The following PPBP variants were observed in gnomAD, a reference collection of about 807,000 sequenced individuals.
The protein encoded by PPBP is platelet basic protein.
PPBP carries 8 observed loss-of-function variants against 8.3 expected under a neutral mutation model. The ratio of observed to expected loss-of-function variants is 0.97; its 90% CI spans 0.57 to 1.75. PPBP has a LOEUF of 1.75. Ranked by LOEUF, PPBP falls within the 40% of genes most tolerant of loss-of-function variation. PPBP has a pLI of 0.00. For missense variants in PPBP, 169 were observed against 149.2 expected, an observed-to-expected ratio of 1.13 and a Z score of -0.69; for synonymous variants, 64 against 58.9, an observed-to-expected ratio of 1.09 and a Z score of -0.40.
intron 1 of PPBP, 73 bp downstream of exon 1, chr4:73,987,883 C>A (rs1050943714): frequency 1.3e-6 from 2 of 1,598,846 alleles, no homozygotes; most frequent in African/African-American, 2.7e-5. Context: ...GCCCCAAAGG[C>A]ACCAAGCTAG....
In PPBP at chr4:73,988,138, C is replaced by G; in HGVS notation, c.-35G>C. 7 of 1,610,808 alleles carry G rather than the reference C, an allele frequency of 4.3e-6. No homozygotes were observed. The highest frequency in any genetic ancestry group is 5.9e-6 in the Non-Finnish European group (7 of 1,177,184). On this transcript the variant is annotated 5_prime_UTR_variant, in exon 1 of 3. Transcript: ENST00000296028. ...GGCTGAGCTAGAGTTGTTTCCAGAACCAGAAGACCTCTGAGTGAGGGTGAG... is the reference window on the plus strand; with the variant it reads ...GGCTGAGCTAGAGTTGTTTCCAGAAGCAGAAGACCTCTGAGTGAGGGTGAG...
chr4:73,987,450 G>T (rs572588015), intron 2 of PPBP, 67 bp downstream of exon 2: 2 of 1,607,070 alleles, frequency 1.2e-6, no homozygotes, highest in Non-Finnish European at 1.7e-6. Context: ...TGGAGGAAAC[G>T]AGTGCATATG....
At chr4:73,987,452 G>C (rs1020240387) in intron 2 of PPBP, 65 bp downstream of exon 2, 1 of 1,607,790 alleles carries the variant, frequency 6.2e-7, no homozygotes, top group Admixed American at 1.7e-5. Context: ...GAGGAAACGA[G>C]TGCATATGTG....
rs1032851709 is a variant in PPBP at position 73,987,087 on chromosome 4, C to A, written c.*185G>T. On this transcript the variant is annotated 3_prime_UTR_variant, in exon 3 of 3. Coordinates refer to ENST00000296028, the MANE Select transcript of PPBP (RefSeq NM_002704.3). The stretch of plus-strand genomic sequence containing the variant: ...AACCAGGCTTATTTATTTTCATCTT[C>A]TTTCTGCCATCTTTTAACCAACCTT... The A allele has an allele frequency of 1.3e-5, 8 of 613,580 alleles. No individual in the cohort carries two copies. Among genetic ancestry groups the A allele is most frequent in the Non-Finnish European group, 2.3e-5 (8 of 354,368 alleles). The allele number at this position is 613,580 out of a possible 1,614,324, so 38.0% of individuals were successfully genotyped here. A position where few individuals can be genotyped will look rare whatever the true frequency, so the allele number is the denominator to read the frequency against.
rs772035654 is a variant in PPBP at position 73,987,703 on chromosome 4, C to G, written c.149-51G>C. 1.7e-5 allele frequency: 27 copies of G among 1,586,096 alleles called. No homozygotes were observed. In the Admixed American group the frequency reaches 2.9e-4, roughly 17 times the overall value. On this transcript the variant is annotated intron_variant, in intron 1 of 2. Transcript: ENST00000296028. ...GTGGTCATGAATATTTTCCTCAGGT[C>G]TCTTATTTGCAGATTGAGGGCAATT...
Position 73,987,736 on chromosome 4 carries a change from T to C in PPBP, c.149-84A>G, listed in dbSNP as rs1229197527. On this transcript the variant is annotated intron_variant, in intron 1 of 2. Coordinates refer to ENST00000296028, the MANE Select transcript of PPBP (RefSeq NM_002704.3). Reference sequence around the variant, plus strand: ...TGCAGATTGAGGGCAATTGTACCTCTCTCATAAAGCCATTGTGAATATGAT... The same window carrying C: ...TGCAGATTGAGGGCAATTGTACCTCCCTCATAAAGCCATTGTGAATATGAT... The C allele has an allele frequency of 2.0e-6, 3 of 1,516,852 alleles. No homozygotes were observed. The African/African-American group carries it at 4.1e-5, about 21-fold the overall frequency. The allele number at this position is 1,516,852 out of a possible 1,614,324, so 94.0% of individuals were successfully genotyped here.
In PPBP at chr4:73,986,957, A is replaced by T. The variant is rs1718983368; in HGVS notation, c.*315T>A. The T allele has an allele frequency of 3.1e-6, 1 of 320,730 alleles. No homozygotes were observed. Among genetic ancestry groups the T allele is most frequent in the Admixed American group, 4.9e-5 (1 of 20,452 alleles). 19.9% of individuals were successfully genotyped at this position (320,730 alleles called of 1,614,324 possible). ...ATACCCATGAGTATGTCTAATAACC[A>T]TAAAGTAGACCAGGAAAAATCAACC... On this transcript the variant is annotated 3_prime_UTR_variant, in exon 3 of 3. Transcript: ENST00000296028.
Position 73,987,105 on chromosome 4 carries a change from C to G in PPBP, c.*167G>C. 2 of 658,596 alleles carry G rather than the reference C, an allele frequency of 3.0e-6. No individual in the cohort carries two copies. The highest frequency in any genetic ancestry group is 5.1e-6 in the Non-Finnish European group (2 of 388,856). 40.8% of individuals were successfully genotyped at this position (658,596 alleles called of 1,614,324 possible). On this transcript the variant is annotated 3_prime_UTR_variant, in exon 3 of 3. Transcript: ENST00000296028. ...TCATCTTCTTTCTGCCATCTTTTAA[C>G]CAACCTTCTCAGAATAAAATGTGAT...
chr4:73,987,824 C>A, intron 1 of PPBP, 132 bp downstream of exon 1: 1 of 1,465,454 alleles, frequency 6.8e-7, no homozygotes, highest in African/African-American at 1.4e-5. Flanking sequence ...GAAGTGACCC[C>A]CCTGTGTGTC....
At position 73,986,713 on chromosome 4, in the gene PPBP, A is replaced by G. The variant is rs1408719511; in HGVS notation, c.*559T>C. Among the ~76,000 whole-genome samples the G allele has an allele frequency of 6.6e-6, 1 of 152,210 alleles. No individual in the cohort carries two copies. The highest frequency in any genetic ancestry group is 1.9e-4 in the East Asian group (1 of 5,200). On this transcript the variant is annotated 3_prime_UTR_variant, in exon 3 of 3. Transcript: ENST00000296028. Reference sequence around the variant, plus strand: ...ACTTTAAACCAGCTAACCACAGTTTATAAGATTCATATTCACCAATTTATT... The same window carrying G: ...ACTTTAAACCAGCTAACCACAGTTTGTAAGATTCATATTCACCAATTTATT...
intron 1 of PPBP, 130 bp downstream of exon 1, chr4:73,987,826 C>T (rs1276246498): frequency 1.9e-5 from 28 of 1,472,756 alleles, no homozygotes; most frequent in Non-Finnish European, 2.5e-5. Context: ...AGTGACCCCC[C>T]TGTGTGTCTC....
intron 1 of PPBP, 76 bp from the exon 2 acceptor site, chr4:73,987,728 T>G: frequency 6.5e-7 from 1 of 1,535,134 alleles, no homozygotes; most frequent in Non-Finnish European, 9.0e-7. Context: ...TGAGGGCAAT[T>G]GTACCTCTCT....
rs376773889 is a variant in PPBP at position 73,987,379 on chromosome 4, A to G, written c.285-5T>C. ...CTCCCATCCTTCAGTGTGGCTCTGC[A>G]AAAGAGAACAGGGTTATCTGTGGGT... On this transcript the variant is annotated splice_polypyrimidine_tract_variant and splice_region_variant and intron_variant, in intron 2 of 2. Coordinates refer to ENST00000296028, the MANE Select transcript of PPBP (RefSeq NM_002704.3). The G allele has an allele frequency of 6.3e-5, 102 of 1,612,338 alleles. No homozygotes were observed. The African/African-American group carries it at 1.2e-3, about 18-fold the overall frequency.
Position 73,986,635 on chromosome 4 carries a change from A to G in PPBP, c.*637T>C, listed in dbSNP as rs1397943251. Among the ~76,000 whole-genome samples, 1 of 152,172 alleles carries G rather than the reference A, an allele frequency of 6.6e-6. No individual in the cohort carries two copies. Among genetic ancestry groups the G allele is most frequent in the East Asian group, 1.9e-4 (1 of 5,196 alleles). On this transcript the variant is annotated 3_prime_UTR_variant, in exon 3 of 3. Coordinates refer to ENST00000296028, the MANE Select transcript of PPBP (RefSeq NM_002704.3). ...ATGATAGAATTATAACTATGTAGAT[A>G]TGTTAATTCATTTTCATCATCTATT...
In PPBP at chr4:73,987,141, G is replaced by A; in HGVS notation, c.*131C>T. 1 of 791,884 alleles carries A rather than the reference G, an allele frequency of 1.3e-6. No homozygotes were observed. 49.1% of individuals were successfully genotyped at this position (791,884 alleles called of 1,614,324 possible). On this transcript the variant is annotated 3_prime_UTR_variant, in exon 3 of 3. Transcript: ENST00000296028. ...AGAATAAAATGTGATTTTTGAGACA[G>A]AATGAAACACATATCCAAATTTTAA...
Position 73,987,089 on chromosome 4 carries a change from T to C in PPBP, c.*183A>G, listed in dbSNP as rs551197857. On this transcript the variant is annotated 3_prime_UTR_variant, in exon 3 of 3. Transcript: ENST00000296028. ...CCAGGCTTATTTATTTTCATCTTCTTTCTGCCATCTTTTAACCAACCTTCT... is the reference window on the plus strand; with the variant it reads ...CCAGGCTTATTTATTTTCATCTTCTCTCTGCCATCTTTTAACCAACCTTCT... 1 of 616,696 alleles carries C rather than the reference T, an allele frequency of 1.6e-6. No homozygotes were observed. The highest frequency in any genetic ancestry group is 2.0e-5 in the South Asian group (1 of 48,988). The allele number at this position is 616,696 out of a possible 1,614,324, so 38.2% of individuals were successfully genotyped here. A position where few individuals can be genotyped will look rare whatever the true frequency, so the allele number is the denominator to read the frequency against.
Position 73,987,333 on chromosome 4 carries a change from T to G in PPBP, c.326A>C (p.Asp109Ala), listed in dbSNP as rs1718992322. Residue 109 changes from aspartate to alanine, a missense_variant, in exon 3 of 3, where the codon GAT (aspartate) becomes GCT (alanine). Physicochemically the swap from Asp to Ala is moderately radical, Grantham distance 126 (BLOSUM62 -2). Coordinates refer to ENST00000296028, the MANE Select transcript of PPBP (RefSeq NM_002704.3). The stretch of plus-strand genomic sequence containing the variant: ...TACAATTTTCTTGATTCTGGGAGCA[T>G]CTGGGTCCAGGCAGATTTTCCTCCC... ...KDGRKICLDPDAPRIKKIVQK... is the reference protein window; with the variant it reads ...KDGRKICLDPAAPRIKKIVQK... 1 of 1,614,084 alleles carries G rather than the reference T, an allele frequency of 6.2e-7. No homozygotes were observed.
chr4:73,987,482 T>A, intron 2 of PPBP, 35 bp downstream of exon 2: 1 of 1,610,450 alleles, frequency 6.2e-7, no homozygotes, highest in African/African-American at 1.3e-5. Context: ...AGAGGGTTTC[T>A]CTGATAAGGC....
In PPBP at chr4:73,987,095, C is replaced by T; in HGVS notation, c.*177G>A. On this transcript the variant is annotated 3_prime_UTR_variant, in exon 3 of 3. Coordinates refer to ENST00000296028, the MANE Select transcript of PPBP (RefSeq NM_002704.3). ...TTATTTATTTTCATCTTCTTTCTGC[C>T]ATCTTTTAACCAACCTTCTCAGAAT... 2 of 627,044 alleles carry T rather than the reference C, an allele frequency of 3.2e-6. No individual in the cohort carries two copies. The highest frequency in any genetic ancestry group is 5.5e-6 in the Non-Finnish European group (2 of 364,604). 38.8% of individuals were successfully genotyped at this position (627,044 alleles called of 1,614,324 possible). A position where few individuals can be genotyped will look rare whatever the true frequency, so the allele number is the denominator to read the frequency against.
Sources: allele counts gnomAD v4.1 joint callset (sites outside exome capture counted in the v4.1 genomes callset), GRCh38; gene constraint gnomAD v4.1.1; transcripts MANE v1.5; gene names NCBI Gene and HGNC (gene_info 2026-07-23, HGNC 2026-07-21).